Variants in CACNB4 observed in about 807,000 individuals in gnomAD.
The protein encoded by CACNB4 is voltage-dependent L-type calcium channel subunit beta-4.
In CACNB4, 32 loss-of-function variants were observed where a neutral mutation model predicts 71.2. That is an observed-to-expected ratio of 0.45 (90% CI 0.34 to 0.60). The LOEUF (loss-of-function observed/expected upper bound fraction) is 0.60. Among genes scored for constraint, CACNB4 ranks in the 20% least tolerant of loss-of-function variants. The pLI is 0.01. For synonymous variants in CACNB4, 231 were observed against 236.9 expected (o/e 0.97, Z 0.23); for missense variants, 464 against 647.9 (o/e 0.72, Z 3.08).
At chr2:152,002,077 G>A (rs777001973) in intron 2 of CACNB4, among the ~76,000 whole-genome samples, 17 of 152,308 alleles carry the variant, frequency 1.1e-4, no homozygotes, top group East Asian at 3.9e-4. Context: ...CAACCTTTCC[G>A]TGTGTGCTTC....
chr2:151,842,181 A>G (rs1419978511), intron 12 of CACNB4, 93 bp from the exon 13 acceptor site: 1 of 1,049,358 alleles, frequency 9.5e-7, no homozygotes, highest in Non-Finnish European at 1.4e-6. Context: ...AGCATTTTTA[A>G]TAGCTATTAG....
intron 2 of CACNB4, among the ~76,000 whole-genome samples, chr2:152,025,726 C>CA (rs1340605233): frequency 1.3e-5 from 2 of 152,210 alleles, no homozygotes; most frequent in African/African-American, 4.8e-5. Context: ...CAAAATTGGA[C>CA]ATACCGTACT....
In CACNB4 at chr2:152,077,382, G is replaced by A. The variant is rs547452757; in HGVS notation, c.147+20948C>T. Among the ~76,000 whole-genome samples the A allele has an allele frequency of 2.4e-3, 358 of 152,218 alleles. 1 individual carries two copies. Among genetic ancestry groups the A allele is most frequent in the African/African-American group, 5.9e-3 (245 of 41,548 alleles). ...AGCCTGACCAACATGGTGAAATCCC[G>A]TCTCTACTAAAAATACAAAAATTAG... On this transcript the variant is annotated intron_variant, in intron 2 of 13. Coordinates refer to ENST00000539935, the MANE Select transcript of CACNB4 (RefSeq NM_000726.5).
rs77618326 is a variant in CACNB4, at chr2:151,976,812, G to A, written c.148-93442C>T. Among the ~76,000 whole-genome samples, 1,061 of 152,240 alleles carry A rather than the reference G, an allele frequency of 7.0e-3. 11 individuals are homozygous for A. The highest frequency in any genetic ancestry group is 0.024 in the African/African-American group (1,006 of 41,542). On this transcript the variant is annotated intron_variant, in intron 2 of 13. Transcript: ENST00000539935. Reference sequence around the variant, plus strand: ...AGACCAGGCTGAGAAGTAGTGAGACGTCCCTGGGAGCTTCCCGAGCCTGTT... The same window carrying A: ...AGACCAGGCTGAGAAGTAGTGAGACATCCCTGGGAGCTTCCCGAGCCTGTT...
chr2:152,046,100 T>A (rs1685130700), intron 2 of CACNB4, among the ~76,000 whole-genome samples: 1 of 152,198 alleles, frequency 6.6e-6, no homozygotes, highest in Admixed American at 6.5e-5. Context: ...AGTTAGCTTT[T>A]TAGATAAACA....
chr2:151,872,671 A>G (rs1578560575), intron 5 of CACNB4, 178 bp from the exon 6 acceptor site: 1 of 495,714 alleles, frequency 2.0e-6, no homozygotes. Context: ...TTCTAAGAGA[A>G]TGTGGAGAAC....
intron 12 of CACNB4, among the ~76,000 whole-genome samples, chr2:151,842,366 T>C (rs1271586923): frequency 1.4e-5 from 2 of 148,074 alleles, no homozygotes; most frequent in African/African-American, 5.0e-5. Context: ...AGTCTCATTC[T>C]GTTGCCCAGG....
intron 2 of CACNB4, among the ~76,000 whole-genome samples, chr2:151,929,832 T>C (rs1011596133): frequency 6.6e-6 from 1 of 152,086 alleles, no homozygotes; most frequent in Admixed American, 6.5e-5. Flanking sequence ...AGGCTCTATA[T>C]GAAGAAAAAC....
At chr2:152,050,774 G>A (rs1685387536) in intron 2 of CACNB4, among the ~76,000 whole-genome samples, 1 of 151,750 alleles carries the variant, frequency 6.6e-6, no homozygotes, top group African/African-American at 2.4e-5. Flanking sequence ...CTGCTTGTTT[G>A]TTTGTTTGTT....
At chr2:151,924,549 G>GTA (rs150793926) in intron 2 of CACNB4, among the ~76,000 whole-genome samples, 12,728 of 150,870 alleles carry the variant, frequency 0.084, 1,373 homozygotes, top group East Asian at 0.54. Flanking sequence ...GGCTGCTATA[G>GTA]TATATATATA....
At chr2:152,066,045 T>C (rs940771677) in intron 2 of CACNB4, among the ~76,000 whole-genome samples, 7 of 152,170 alleles carry the variant, frequency 4.6e-5, no homozygotes, top group African/African-American at 1.4e-4. Flanking sequence ...CTTAAATCAA[T>C]CAAGTGGAAT....
chr2:151,988,411 C>T (rs1681495028), intron 2 of CACNB4, among the ~76,000 whole-genome samples: 2 of 152,206 alleles, frequency 1.3e-5, no homozygotes, highest in South Asian at 2.1e-4. Context: ...TAAAAACCTT[C>T]CCCACCCTAC....
intron 2 of CACNB4, among the ~76,000 whole-genome samples, chr2:152,091,435 C>A (rs983231710): frequency 6.6e-6 from 1 of 151,968 alleles, no homozygotes; most frequent in Non-Finnish European, 1.5e-5. Flanking sequence ...AATGGTTGTG[C>A]CCCAGCTTAG....
At chr2:152,073,468 C>G (rs1206571951) in intron 2 of CACNB4, among the ~76,000 whole-genome samples, 3 of 152,130 alleles carry the variant, frequency 2.0e-5, no homozygotes, top group African/African-American at 7.2e-5. Flanking sequence ...GCTATGTTTA[C>G]ATGAGAATTT....
At chr2:152,085,716 G>A (rs1687622348) in intron 2 of CACNB4, among the ~76,000 whole-genome samples, 1 of 151,890 alleles carries the variant, frequency 6.6e-6, no homozygotes. Context: ...AGTTGTGGAG[G>A]GAGGCCACAA....
At chr2:151,931,957 A>G (rs2099861741) in intron 2 of CACNB4, among the ~76,000 whole-genome samples, 1 of 152,188 alleles carries the variant, frequency 6.6e-6, no homozygotes, top group Non-Finnish European at 1.5e-5. Flanking sequence ...ATATGACACA[A>G]TACCATTTTC....
rs1193645205 is a variant in CACNB4, at chr2:151,839,350, G to C, written c.1332C>G (p.Ser444=). The C allele has an allele frequency of 6.2e-7, 1 of 1,611,530 alleles. No homozygotes were observed. The highest frequency in any genetic ancestry group is 1.1e-5 in the South Asian group (1 of 91,034). The change falls in exon 14 of 14, where the codon TCC becomes TCG. Residue 444 remains serine, a synonymous_variant. Coordinates refer to ENST00000539935, the MANE Select transcript of CACNB4 (RefSeq NM_000726.5). ...QSQRMRHSNH[S]TENSPIERRS... is the part of the protein sequence containing the mutation. Reference sequence around the variant, plus strand: ...GTCTTTCAATTGGAGAGTTCTCTGTGGAGTGGTTGCTGTGCCTCATTCGCT... The same window carrying C: ...GTCTTTCAATTGGAGAGTTCTCTGTCGAGTGGTTGCTGTGCCTCATTCGCT...
chr2:152,030,360 T>C (rs543955010), intron 2 of CACNB4, among the ~76,000 whole-genome samples: 1 of 152,270 alleles, frequency 6.6e-6, no homozygotes, highest in Non-Finnish European at 1.5e-5. Flanking sequence ...TCACTATGTA[T>C]AGATGAAATT....
At chr2:152,014,308 C>T (rs779372369) in intron 2 of CACNB4, among the ~76,000 whole-genome samples, 37 of 152,312 alleles carry the variant, frequency 2.4e-4, no homozygotes, top group Non-Finnish European at 5.1e-4. Flanking sequence ...GATCACACCA[C>T]TGCGCTCCAG....
Sources: gnomAD v4.1 joint callset for allele counts (sites outside exome capture counted in the v4.1 genomes callset) on GRCh38, gnomAD v4.1.1 for gene constraint, MANE v1.5 for transcripts, NCBI Gene and HGNC (gene_info 2026-07-23, HGNC 2026-07-21) for gene names.